The following RBMS3 variants were observed in gnomAD, a reference collection of about 807,000 sequenced individuals.
The protein encoded by RBMS3 is RNA binding motif single stranded interacting protein 3.
In RBMS3, 27 loss-of-function variants were observed where a neutral mutation model predicts 66.8. The ratio of observed to expected loss-of-function variants is 0.40; its 90% CI spans 0.30 to 0.56. The LOEUF is 0.56. RBMS3 is among the 20% of genes least tolerant of loss of function. RBMS3 has a pLI of 0.40. For synonymous variants in RBMS3, 188 were observed against 183.0 expected (o/e 1.03, Z -0.22); for missense variants, 513 against 549.5 (o/e 0.93, Z 0.66).
chr3:29,973,971 T>C (rs1292762561), intron 12 of RBMS3, among the ~76,000 whole-genome samples: 8 of 151,964 alleles, frequency 5.3e-5, no homozygotes, highest in African/African-American at 1.9e-4. Context: ...CTGTCTTTCC[T>C]GTGCTTCACC....
chr3:29,400,834 A>T (rs2125665259), intron 1 of RBMS3, among the ~76,000 whole-genome samples: 1 of 152,188 alleles, frequency 6.6e-6, no homozygotes, highest in East Asian at 1.9e-4. Flanking sequence ...ACTCCATGAC[A>T]CTTCTAAGGG....
intron 7 of RBMS3, chr3:29,880,782 C>G: frequency 6.5e-7 from 1 of 1,536,046 alleles, no homozygotes; most frequent in Non-Finnish European, 8.7e-7. Flanking sequence ...GCCAAAGGTA[C>G]TCAGAGGCAG....
In RBMS3 at chr3:29,856,306, C is replaced by T. The variant is rs556989428; in HGVS notation, c.638-12552C>T. Among the ~76,000 whole-genome samples, 19 of 151,966 alleles carry T rather than the reference C, an allele frequency of 1.3e-4. No individual in the cohort carries two copies. The South Asian group carries it at 3.1e-3, about 25-fold the overall frequency. The stretch of plus-strand genomic sequence containing the variant: ...TGGGAATTTGGTGGGGTGGGAAAAG[C>T]GGTCAGGAAATATTTTATGAAAGTG... On this transcript the variant is annotated intron_variant, in intron 6 of 14. Transcript: ENST00000383767.
At chr3:29,327,089 G>A (rs576975220) in intron 1 of RBMS3, among the ~76,000 whole-genome samples, 1 of 152,240 alleles carries the variant, frequency 6.6e-6, no homozygotes, top group East Asian at 1.9e-4. Flanking sequence ...AAAGGTAGGA[G>A]ACTAATGTTA....
At position 29,801,272 on chromosome 3, in the gene RBMS3, C is replaced by CTTTTTTTTTTTTTT. The variant is rs200997680; in HGVS notation, c.637+38296_637+38297insTTTTTTTTTTTTTT. ...AACTTGAAGAATCATTGCTTTTTTT[C>CTTTTTTTTTTTTTT]TTTTTTTTTTTTTGAGACAAAGTCT... On this transcript the variant is annotated intron_variant, in intron 6 of 14. Transcript: ENST00000383767. 1.4e-3 allele frequency among the ~76,000 whole-genome samples: 176 copies of CTTTTTTTTTTTTTT among 129,432 alleles called. 7 individuals are homozygous for CTTTTTTTTTTTTTT. The highest frequency in any genetic ancestry group is 2.2e-3 in the Non-Finnish European group (136 of 61,766). The allele number at this position is 129,432 out of a possible 152,430, so 84.9% of individuals were successfully genotyped here.
intron 5 of RBMS3, among the ~76,000 whole-genome samples, chr3:29,754,543 A>G (rs554089723): frequency 6.6e-5 from 10 of 152,210 alleles, no homozygotes; most frequent in Admixed American, 2.0e-4. Context: ...AGTTATGCTC[A>G]TATCAGGACT....
chr3:29,751,079 G>T (rs1366554593), intron 5 of RBMS3, among the ~76,000 whole-genome samples: 6 of 151,956 alleles, frequency 3.9e-5, no homozygotes, highest in Non-Finnish European at 7.4e-5. Flanking sequence ...TATTTGATAG[G>T]GAAGAGATTT....
chr3:29,486,958 T>C (rs1350018520), intron 2 of RBMS3, among the ~76,000 whole-genome samples: 2 of 148,686 alleles, frequency 1.3e-5, no homozygotes, highest in Admixed American at 6.9e-5. Flanking sequence ...TCACATATTG[T>C]ATTAATGGTG....
At chr3:29,892,493 A>T (rs2060023608) in intron 8 of RBMS3, among the ~76,000 whole-genome samples, 1 of 151,474 alleles carries the variant, frequency 6.6e-6, no homozygotes, top group Non-Finnish European at 1.5e-5. Context: ...ATAACAAAAA[A>T]TGTCTCCAGA....
chr3:29,417,431 C>A (rs2040524091), intron 1 of RBMS3, among the ~76,000 whole-genome samples: 1 of 151,942 alleles, frequency 6.6e-6, no homozygotes, highest in Admixed American at 6.6e-5. Context: ...CTGTTGCTTT[C>A]AACTTTTATG....
At chr3:29,382,259 C>T (rs930575198) in intron 1 of RBMS3, among the ~76,000 whole-genome samples, 6 of 152,280 alleles carry the variant, frequency 3.9e-5, no homozygotes, top group Middle Eastern at 3.4e-3. Flanking sequence ...CATCAACTAC[C>T]TTCAGTAGAA....
chr3:29,535,643 G>T (rs1389287487), intron 3 of RBMS3, among the ~76,000 whole-genome samples: 1 of 138,466 alleles, frequency 7.2e-6, no homozygotes, highest in Non-Finnish European at 1.5e-5. Context: ...GAATTTGTAA[G>T]ACCTATAAAA....
chr3:29,571,069 T>C (rs895456802), intron 3 of RBMS3, among the ~76,000 whole-genome samples: 5 of 152,178 alleles, frequency 3.3e-5, no homozygotes, highest in African/African-American at 1.2e-4. Flanking sequence ...TGCATTTCTC[T>C]GATGATCAGT....
chr3:29,381,289 T>G (rs1168975784), intron 1 of RBMS3, among the ~76,000 whole-genome samples: 1 of 152,176 alleles, frequency 6.6e-6, no homozygotes, highest in Non-Finnish European at 1.5e-5. Flanking sequence ...AGCAAGGAAG[T>G]GTAAGTGCTG....
chr3:29,751,378 A>C (rs193142616), intron 5 of RBMS3, among the ~76,000 whole-genome samples: 17 of 152,360 alleles, frequency 1.1e-4, no homozygotes, highest in Admixed American at 1.1e-3. Context: ...TTTTCTATTA[A>C]AAATGATCAG....
At chr3:29,372,796 G>C (rs1024990850) in intron 1 of RBMS3, among the ~76,000 whole-genome samples, 2 of 150,726 alleles carry the variant, frequency 1.3e-5, no homozygotes, top group Admixed American at 6.6e-5. Context: ...AGGACAAAAA[G>C]ATTTGTCTTC....
At chr3:29,452,188 A>T (rs2042038871) in intron 2 of RBMS3, among the ~76,000 whole-genome samples, 1 of 152,178 alleles carries the variant, frequency 6.6e-6, no homozygotes, top group Non-Finnish European at 1.5e-5. Flanking sequence ...CTCCCTCTCA[A>T]TAGGAAATGT....
At chr3:29,859,419 A>G (rs2059157244) in intron 6 of RBMS3, among the ~76,000 whole-genome samples, 1 of 152,234 alleles carries the variant, frequency 6.6e-6, no homozygotes, top group Non-Finnish European at 1.5e-5. Flanking sequence ...AGAGGGTAGA[A>G]AGTAAGCAGT....
At chr3:29,366,198 A>G (rs4597674) in intron 1 of RBMS3, among the ~76,000 whole-genome samples, 97,615 of 151,988 alleles carry the variant, frequency 0.64, 31,732 homozygotes, top group Non-Finnish European at 0.69. Flanking sequence ...ATAATTTGTG[A>G]AATTTGAATT....
Sources: gnomAD v4.1 joint callset for allele counts (sites outside exome capture counted in the v4.1 genomes callset) on GRCh38, gnomAD v4.1.1 for gene constraint, MANE v1.5 for transcripts, NCBI Gene and HGNC (gene_info 2026-07-23, HGNC 2026-07-21) for gene names.